Variants in CFAP44 observed in about 807,000 individuals in gnomAD.
CFAP44 encodes cilia and flagella associated protein 44.
In CFAP44, 134 loss-of-function variants were observed where a neutral mutation model predicts 216.2. The observed-to-expected ratio is 0.62, with a 90% CI of 0.54 to 0.72. The LOEUF is 0.72. CFAP44 is among the 30% of genes least tolerant of loss of function. The probability of loss-of-function intolerance (pLI) is 0.00; values close to 1 mark genes in which losing one functional copy is unlikely to be tolerated. For missense variants in CFAP44, 2,035 were observed against 2,182.1 expected, an observed-to-expected ratio of 0.93 and a Z score of 1.34; for synonymous variants, 700 against 727.6, an observed-to-expected ratio of 0.96 and a Z score of 0.61.
chr3:113,413,833 G>T (rs1934564787), intron 6 of CFAP44, among the ~76,000 whole-genome samples: 1 of 152,178 alleles, frequency 6.6e-6, no homozygotes, highest in Non-Finnish European at 1.5e-5. Flanking sequence ...GGACTGTCTT[G>T]ACTGTATGGG....
rs1402064112 is a variant in CFAP44, at chr3:113,291,507, T to C, written c.*50A>G. The C allele has an allele frequency of 6.6e-7, 1 of 1,511,876 alleles. No homozygotes were observed. Among genetic ancestry groups the C allele is most frequent in the African/African-American group, 1.4e-5 (1 of 72,420 alleles). The allele number at this position is 1,511,876 out of a possible 1,614,324, so 93.7% of individuals were successfully genotyped here. A position where few individuals can be genotyped will look rare whatever the true frequency, so the allele number is the denominator to read the frequency against. Reference sequence around the variant, plus strand: ...TTGGAGGTGATGAGGAGACAGAACTTCCAGTGAGTTATGTCAGAAATCTTG... The same window carrying C: ...TTGGAGGTGATGAGGAGACAGAACTCCCAGTGAGTTATGTCAGAAATCTTG... On this transcript the variant is annotated 3_prime_UTR_variant, in exon 35 of 35. Coordinates refer to ENST00000393845, the MANE Select transcript of CFAP44 (RefSeq NM_001164496.2).
chr3:113,406,940 A>G lies in CFAP44; in HGVS notation c.992T>C (p.Leu331Pro), dbSNP rs1452167852. ...AGCTGTACTCACCTTCCCATCTGGGAGCTCCATGTAGCCTTCTATATCAGT... is the reference window on the plus strand; with the variant it reads ...AGCTGTACTCACCTTCCCATCTGGGGGCTCCATGTAGCCTTCTATATCAGT... ...ITTDIEGYMELPDGKVLSGSE... is the reference protein window; with the variant it reads ...ITTDIEGYMEPPDGKVLSGSE... The change falls in exon 8 of 35, where the codon CTC becomes CCC. Residue 331 changes from leucine (L) to proline (P), a missense_variant. By Grantham distance (98) the Leu-to-Pro change is moderately conservative. Transcript: ENST00000393845. 1.9e-6 allele frequency: 3 copies of G among 1,613,256 alleles called. No homozygotes were observed. The highest frequency in any genetic ancestry group is 2.7e-5 in the African/African-American group (2 of 74,894).
chr3:113,326,629 A>C lies in CFAP44; in HGVS notation c.4332T>G (p.Asn1444Lys). 2.0e-6 allele frequency: 3 copies of C among 1,490,522 alleles called. No homozygotes were observed. The highest frequency in any genetic ancestry group is 2.7e-6 in the Non-Finnish European group (3 of 1,130,730). The allele number at this position is 1,490,522 out of a possible 1,614,324, so 92.3% of individuals were successfully genotyped here. A position where few individuals can be genotyped will look rare whatever the true frequency, so the allele number is the denominator to read the frequency against. Reference sequence around the variant, plus strand: ...TCTCTTCCATCTCTTTAAGAGTTTCATTTATTTTCCACTAAATGAATAAAA... The same window carrying C: ...TCTCTTCCATCTCTTTAAGAGTTTCCTTTATTTTCCACTAAATGAATAAAA... ...KEEQYMQWKI[N>K]ETLKEMEEKK... Residue 1444 changes from asparagine to lysine, a missense_variant, in exon 28 of 35, where the codon AAT becomes AAG. Physicochemically the swap from Asn to Lys is moderately conservative, Grantham distance 94. Coordinates refer to ENST00000393845, the MANE Select transcript of CFAP44 (RefSeq NM_001164496.2).
intron 24 of CFAP44, among the ~76,000 whole-genome samples, chr3:113,338,592 G>T (rs1473273583): frequency 6.6e-6 from 1 of 152,098 alleles, no homozygotes; most frequent in Non-Finnish European, 1.5e-5. Flanking sequence ...TTGCAGAGCA[G>T]ACTGCTTCTC....
intron 21 of CFAP44, chr3:113,362,791 C>G (rs1419034500): frequency 2.4e-6 from 2 of 817,504 alleles, no homozygotes; most frequent in African/African-American, 3.6e-5. Flanking sequence ...CCACCGGACG[C>G]TTCAGGCCAA....
At position 113,291,655 on chromosome 3, in the gene CFAP44, AG is replaced by A. The variant is rs1283298623; in HGVS notation, c.5466del (p.Leu1823Ter). ...LIQLQAERIS[A>X]LKEEIALLRR... Reference sequence around the variant, plus strand: ...CGCAAAAGAGCAATCTCCTCCTTTAAGGCCGAAATCCTTTCCGCCTGGAGTT... The same window carrying A: ...CGCAAAAGAGCAATCTCCTCCTTTAAGCCGAAATCCTTTCCGCCTGGAGTT... On this transcript the variant is annotated frameshift_variant, in exon 35 of 35. Coordinates refer to ENST00000393845, the MANE Select transcript of CFAP44 (RefSeq NM_001164496.2). LOFTEE classifies it low-confidence loss of function (END_TRUNC). 1 of 1,537,404 alleles carries A rather than the reference AG, an allele frequency of 6.5e-7. No individual in the cohort carries two copies. The highest frequency in any genetic ancestry group is 2.0e-5 in the Admixed American group (1 of 51,000).
intron 28 of CFAP44, among the ~76,000 whole-genome samples, chr3:113,310,400 C>T (rs771826626): frequency 6.6e-6 from 1 of 152,192 alleles, no homozygotes; most frequent in Non-Finnish European, 1.5e-5. Flanking sequence ...ATCAAAGAGG[C>T]CCCCTATCCC....
At position 113,416,593 on chromosome 3, in the gene CFAP44, T is replaced by C. The variant is rs1373520581; in HGVS notation, c.605A>G (p.Glu202Gly). Residue 202 changes from glutamate (E) to glycine (G), a missense_variant, in exon 6 of 35, where the codon GAA becomes GGA. Around this residue, in one of 3 missense-constraint regions of CFAP44, gnomAD observed 1,883 missense variants for 2,023.7 expected, o/e 0.93. Coordinates refer to ENST00000393845, the MANE Select transcript of CFAP44 (RefSeq NM_001164496.2). Reference protein sequence around the residue: ...HPHKTYFTVAEKGSFPDIIIY... With the variant: ...HPHKTYFTVAGKGSFPDIIIY... ...GATAATATCTGGAAAACTCCCTTTT[T>C]CAGCTACTGTGAAATAAGTTTTATG... 6.2e-7 allele frequency: 1 copy of C among 1,612,302 alleles called. No individual in the cohort carries two copies. Among genetic ancestry groups the C allele is most frequent in the East Asian group, 2.2e-5 (1 of 44,754 alleles).
chr3:113,422,489 A>G (rs1395430595), intron 4 of CFAP44, among the ~76,000 whole-genome samples: 1 of 152,242 alleles, frequency 6.6e-6, no homozygotes, highest in Non-Finnish European at 1.5e-5. Context: ...GAGATAAAGC[A>G]TTTCAGGGTA....
chr3:113,407,268 T>C (rs920022812), intron 7 of CFAP44, among the ~76,000 whole-genome samples: 5 of 152,240 alleles, frequency 3.3e-5, no homozygotes, highest in African/African-American at 1.2e-4. Flanking sequence ...CCTGCTTTCA[T>C]GCATCTTATA....
At chr3:113,299,488 T>G (rs986951829) in intron 32 of CFAP44, among the ~76,000 whole-genome samples, 1 of 152,168 alleles carries the variant, frequency 6.6e-6, no homozygotes. Context: ...GTGCAACCAC[T>G]TGGAGAGCAG....
intron 5 of CFAP44, among the ~76,000 whole-genome samples, chr3:113,419,147 G>T (rs1251562051): frequency 1.3e-5 from 2 of 151,994 alleles, no homozygotes; most frequent in Non-Finnish European, 2.9e-5. Context: ...ATGTTTCTTG[G>T]TCCCCTGCAG....
At chr3:113,378,604 G>A (rs1406834752) in intron 17 of CFAP44, among the ~76,000 whole-genome samples, 1 of 152,142 alleles carries the variant, frequency 6.6e-6, no homozygotes, top group Non-Finnish European at 1.5e-5. Context: ...TTTTGGTGGA[G>A]GGAACTGAAA....
intron 18 of CFAP44, among the ~76,000 whole-genome samples, chr3:113,371,451 A>G (rs1933160962): frequency 6.6e-6 from 1 of 152,222 alleles, no homozygotes; most frequent in Non-Finnish European, 1.5e-5. Flanking sequence ...CTGATCTTTG[A>G]CAAACCTGAC....
At position 113,366,453 on chromosome 3, in the gene CFAP44, A is replaced by G. The variant is rs1932938761; in HGVS notation, c.2445-144T>C. The G allele has an allele frequency of 6.6e-6, 6 of 907,374 alleles. No homozygotes were observed. The East Asian group carries it at 1.6e-4, about 24-fold the overall frequency. The allele number at this position is 907,374 out of a possible 1,614,324, so 56.2% of individuals were successfully genotyped here. A position where few individuals can be genotyped will look rare whatever the true frequency, so the allele number is the denominator to read the frequency against. On this transcript the variant is annotated intron_variant, in intron 18 of 34. Transcript: ENST00000393845. ...CCTAAAATTCCTATATTGAAGCCCTAACCCCTAATACTTCAGAATGTAACT... is the reference window on the plus strand; with the variant it reads ...CCTAAAATTCCTATATTGAAGCCCTGACCCCTAATACTTCAGAATGTAACT...
At chr3:113,401,136 G>T in intron 11 of CFAP44, 104 bp downstream of exon 11, 2 of 1,083,302 alleles carry the variant, frequency 1.8e-6, no homozygotes, top group Admixed American at 2.8e-5. Context: ...TTTTTTATGA[G>T]GACCATGATG....
At chr3:113,340,571 G>T (rs1302262233) in intron 24 of CFAP44, among the ~76,000 whole-genome samples, 1 of 152,176 alleles carries the variant, frequency 6.6e-6, no homozygotes, top group Non-Finnish European at 1.5e-5. Flanking sequence ...TGCGATGGGG[G>T]TGTGGCTCGC....
At chr3:113,408,472 G>A (rs983488084) in intron 7 of CFAP44, among the ~76,000 whole-genome samples, 2 of 152,188 alleles carry the variant, frequency 1.3e-5, no homozygotes, top group Admixed American at 6.5e-5. Context: ...TGAAAGCTCA[G>A]TATGAATTTG....
At chr3:113,353,220 G>A (rs74917025) in intron 22 of CFAP44, among the ~76,000 whole-genome samples, 2 of 151,958 alleles carry the variant, frequency 1.3e-5, no homozygotes, top group Admixed American at 6.6e-5. Flanking sequence ...CTCACAAAAC[G>A]TTGCCTGCTC....
Sources: gnomAD v4.1 joint callset for allele counts (sites outside exome capture counted in the v4.1 genomes callset) on GRCh38, gnomAD v4.1.1 for gene constraint, gnomAD v4.1.1 regional missense constraint, MANE v1.5 for transcripts, NCBI Gene and HGNC (gene_info 2026-07-23, HGNC 2026-07-21) for gene names.